Variants in NCAM1 observed in about 807,000 individuals in gnomAD.
NCAM1 encodes neural cell adhesion molecule 1, also known as antigen recognized by monoclonal antibody 5.1H11.
Under a neutral mutation model 109.8 loss-of-function variants are expected in NCAM1, and 14 were observed. The ratio of observed to expected loss-of-function variants is 0.13; its 90% CI spans 0.08 to 0.20. NCAM1 has a LOEUF of 0.20. NCAM1 is among the 10% of genes least tolerant of loss of function. NCAM1 has a pLI of 1.00. For missense variants in NCAM1, 774 were observed against 1,109.9 expected (o/e 0.70, Z 4.30); for synonymous variants, 418 against 442.9 (o/e 0.94, Z 0.70).
chr11:113,142,360 C>T (rs572168280), intron 1 of NCAM1, among the ~76,000 whole-genome samples: 13 of 152,252 alleles, frequency 8.5e-5, no homozygotes, highest in African/African-American at 2.2e-4. Context: ...CTAGAGTGAA[C>T]GACAAGATGG....
chr11:112,998,778 G>A (rs1027351410), intron 1 of NCAM1, among the ~76,000 whole-genome samples: 2 of 151,988 alleles, frequency 1.3e-5, no homozygotes, highest in Non-Finnish European at 1.5e-5. Flanking sequence ...CGATTTAATC[G>A]TGTGTGCCCA....
At chr11:113,244,877 A>G (rs1320959219) in intron 14 of NCAM1, among the ~76,000 whole-genome samples, 1 of 152,180 alleles carries the variant, frequency 6.6e-6, no homozygotes, top group East Asian at 1.9e-4. Context: ...GCCTGGTTAA[A>G]GCATTTCTCT....
At chr11:113,204,749 A>G (rs1944184707) in intron 3 of NCAM1, among the ~76,000 whole-genome samples, 1 of 152,324 alleles carries the variant, frequency 6.6e-6, no homozygotes, top group Admixed American at 6.5e-5. Flanking sequence ...CCAGAGGGCT[A>G]TTACGGGTTT....
intron 1 of NCAM1, among the ~76,000 whole-genome samples, chr11:113,051,985 A>G (rs1169110306): frequency 6.6e-6 from 1 of 152,244 alleles, no homozygotes; most frequent in Non-Finnish European, 1.5e-5. Flanking sequence ...CTGGTCTTCC[A>G]GATGCAATGC....
In NCAM1 at chr11:112,961,453, G is replaced by A. The variant is rs782456348; in HGVS notation, c.-160G>A. On this transcript the variant is annotated 5_prime_UTR_variant, in exon 1 of 20. Coordinates refer to ENST00000316851, the MANE Select transcript of NCAM1 (RefSeq NM_181351.5). ...TCCGATCAGCGCGTGAACGCAGCTC[G>A]GCTGCCGCTGGCAGGAAACAATTCT... 1 of 771,242 alleles carries A rather than the reference G, an allele frequency of 1.3e-6. No homozygotes were observed. The highest frequency in any genetic ancestry group is 2.4e-6 in the Non-Finnish European group (1 of 415,136). 47.8% of individuals were successfully genotyped at this position (771,242 alleles called of 1,614,324 possible). A position where few individuals can be genotyped will look rare whatever the true frequency, so the allele number is the denominator to read the frequency against.
chr11:113,219,653 A>G (rs1157768830), intron 8 of NCAM1, among the ~76,000 whole-genome samples: 1 of 152,248 alleles, frequency 6.6e-6, no homozygotes, highest in African/African-American at 2.4e-5. Flanking sequence ...ATGTTACTGG[A>G]AGCTTTGTGT....
chr11:113,264,464 G>T lies in NCAM1; in HGVS notation c.2131+4141G>T, dbSNP rs143737677. 211 of 985,608 alleles carry T rather than the reference G, an allele frequency of 2.1e-4. 2 individuals carry two copies. Among genetic ancestry groups the T allele is most frequent in the African/African-American group, 1.9e-3 (110 of 57,332 alleles). The allele number at this position is 985,608 out of a possible 1,614,324, so 61.1% of individuals were successfully genotyped here. On this transcript the variant is annotated intron_variant, in intron 17 of 19. Transcript: ENST00000316851. ...TCAACCCAGCCACAAAACTCTCCCC[G>T]CTGGAGTCCCAGATGGCGCTTCACA...
intron 1 of NCAM1, among the ~76,000 whole-genome samples, chr11:113,120,510 C>A (rs1333121491): frequency 3.3e-5 from 5 of 152,176 alleles, no homozygotes; most frequent in African/African-American, 9.7e-5. Flanking sequence ...AGGAATACCA[C>A]AGGCCCCTCA....
At chr11:113,078,133 G>A (rs1458694840) in intron 1 of NCAM1, among the ~76,000 whole-genome samples, 1 of 152,092 alleles carries the variant, frequency 6.6e-6, no homozygotes, top group Non-Finnish European at 1.5e-5. Context: ...TCAAGTGTCG[G>A]CAGGACTGTG....
Position 113,008,894 on chromosome 11 carries a change from T to A in NCAM1, c.52+47230T>A, listed in dbSNP as rs148917298. On this transcript the variant is annotated intron_variant, in intron 1 of 19. Coordinates refer to ENST00000316851, the MANE Select transcript of NCAM1 (RefSeq NM_181351.5). ...AGTATCTGGGCTCAGTATGGCCCACTGAGCCTGAATAGAGCTGAGTCAAGT... is the reference window on the plus strand; with the variant it reads ...AGTATCTGGGCTCAGTATGGCCCACAGAGCCTGAATAGAGCTGAGTCAAGT... 2.7e-3 allele frequency among the ~76,000 whole-genome samples: 416 copies of A among 152,314 alleles called. 1 individual carries two copies. Among genetic ancestry groups the A allele is most frequent in the African/African-American group, 9.6e-3 (400 of 41,558 alleles).
intron 15 of NCAM1, among the ~76,000 whole-genome samples, chr11:113,254,968 G>A (rs1945797086): frequency 6.6e-6 from 1 of 152,160 alleles, no homozygotes; most frequent in African/African-American, 2.4e-5. Context: ...TTACTCACTG[G>A]AGAACCATCC....
chr11:113,198,736 A>T (rs1311998587), intron 1 of NCAM1, among the ~76,000 whole-genome samples: 1 of 152,122 alleles, frequency 6.6e-6, no homozygotes, highest in Non-Finnish European at 1.5e-5. Context: ...ACCTATTTGG[A>T]GATGGACAGA....
At chr11:113,091,257 A>G (rs768435013) in intron 1 of NCAM1, among the ~76,000 whole-genome samples, 6 of 151,868 alleles carry the variant, frequency 4.0e-5, no homozygotes, top group Non-Finnish European at 8.9e-5. Context: ...ACCCTAAAAT[A>G]TTTTTATCAT....
chr11:113,037,509 C>T (rs567497011), intron 1 of NCAM1, among the ~76,000 whole-genome samples: 6 of 152,276 alleles, frequency 3.9e-5, no homozygotes, highest in South Asian at 4.1e-4. Context: ...GTCTTAGCTG[C>T]AGAGACCCCG....
At chr11:113,061,674 G>C (rs578031808) in intron 1 of NCAM1, among the ~76,000 whole-genome samples, 1 of 152,266 alleles carries the variant, frequency 6.6e-6, no homozygotes, top group Non-Finnish European at 1.5e-5. Context: ...CCTGTCCCCC[G>C]TATGTGTAAA....
chr11:113,242,746 T>C (rs1945369309), intron 14 of NCAM1: 1 of 1,482,532 alleles, frequency 6.7e-7, no homozygotes. Flanking sequence ...ATGAGTTTAA[T>C]TTATCTCCAT....
At chr11:113,099,075 A>G (rs1277591480) in intron 1 of NCAM1, among the ~76,000 whole-genome samples, 1 of 152,206 alleles carries the variant, frequency 6.6e-6, no homozygotes, top group African/African-American at 2.4e-5. Flanking sequence ...AAACAACCCT[A>G]GAAGGTAGGC....
rs151189754 is a variant in NCAM1 at position 113,030,201 on chromosome 11, A to C, written c.52+68537A>C. On this transcript the variant is annotated intron_variant, in intron 1 of 19. Transcript: ENST00000316851. ...ATGGTCAGAGATGTACTCTATGGGC[A>C]GCAGCTAACCCAATGCCTGGATTAT... Among the ~76,000 whole-genome samples the C allele has an allele frequency of 4.3e-4, 65 of 152,344 alleles. 1 individual carries two copies. The East Asian group carries it at 9.8e-3, about 23-fold the overall frequency.
intron 1 of NCAM1, among the ~76,000 whole-genome samples, chr11:112,994,984 C>T (rs1429076045): frequency 6.6e-6 from 1 of 152,086 alleles, no homozygotes; most frequent in Non-Finnish European, 1.5e-5. Flanking sequence ...TTGAGGGACT[C>T]AGTTGATCAC....
Sources: allele counts gnomAD v4.1 joint callset (sites outside exome capture counted in the v4.1 genomes callset), GRCh38; gene constraint gnomAD v4.1.1; transcripts MANE v1.5; gene names NCBI Gene and HGNC (gene_info 2026-07-23, HGNC 2026-07-21).